Variants in KPNA5 observed in about 807,000 individuals in gnomAD.
The protein encoded by KPNA5 is karyopherin subunit alpha 5, also known as importin subunit alpha-6.
Under a neutral mutation model 71.3 loss-of-function variants are expected in KPNA5, and 46 were observed. The ratio of observed to expected loss-of-function variants is 0.65; its 90% CI spans 0.51 to 0.83. The LOEUF is 0.83. KPNA5 is among the 40% of genes least tolerant of loss of function. The pLI, the probability that KPNA5 is intolerant of heterozygous loss-of-function variation, is 0.00. For synonymous variants in KPNA5, 207 were observed against 201.4 expected (o/e 1.03, Z -0.24); for missense variants, 547 against 628.3 (o/e 0.87, Z 1.38).
chr6:116,699,764 C>A (rs1403221629), intron 5 of KPNA5, among the ~76,000 whole-genome samples: 8 of 152,120 alleles, frequency 5.3e-5, no homozygotes, highest in African/African-American at 1.9e-4. Context: ...AAAACCCAGA[C>A]CTCTTGATAC....
rs1270325054 is a variant in KPNA5, at chr6:116,722,149, G to A, written c.780G>A (p.Leu260=). 1.3e-6 allele frequency: 2 copies of A among 1,598,588 alleles called. No individual in the cohort carries two copies. Among genetic ancestry groups the A allele is most frequent in the Non-Finnish European group, 1.7e-6 (2 of 1,171,536 alleles). ...AGGTTTCACCTTGCTTAAATGTCCT[G>A]TCACGACTGTTGTTTAGCAGTGACC... is the stretch of plus-strand genomic sequence containing the variant. ...FSKVSPCLNV[L]SRLLFSSDPD... is the part of the protein sequence containing the mutation. The change falls in exon 9 of 14, where the codon CTG becomes CTA. Residue 260 remains leucine (L), a synonymous_variant. Coordinates refer to ENST00000368564, the MANE Select transcript of KPNA5 (RefSeq NM_001366306.2).
At chr6:116,684,263 TG>T (rs764095606) in intron 1 of KPNA5, among the ~76,000 whole-genome samples, 74 of 152,272 alleles carry the variant, frequency 4.9e-4, no homozygotes, top group Middle Eastern at 3.4e-3. Flanking sequence ...ATAGTATTGC[TG>T]AATCTATTAA....
At chr6:116,728,335 TAA>T (rs1276127464) in intron 12 of KPNA5, among the ~76,000 whole-genome samples, 1 of 152,180 alleles carries the variant, frequency 6.6e-6, no homozygotes, top group Non-Finnish European at 1.5e-5. Flanking sequence ...TAGTATGGAT[TAA>T]GTATCCAAAC....
rs73765845 is a variant in KPNA5 at position 116,734,887 on chromosome 6, T to C, written c.*2564T>C. ...GAAACTATGCCGAAAAAAAGTGTTA[T>C]AAAGAGGAATGCATGTAGCATTAAT... On this transcript the variant is annotated 3_prime_UTR_variant, in exon 14 of 14. Coordinates refer to ENST00000368564, the MANE Select transcript of KPNA5 (RefSeq NM_001366306.2). The C allele has an allele frequency of 8.7e-4, 132 of 151,846 alleles. No homozygotes were observed. Among genetic ancestry groups the C allele is most frequent in the African/African-American group, 3.2e-3 (132 of 41,534 alleles). 9.4% of individuals were successfully genotyped at this position (151,846 alleles called of 1,614,324 possible).
chr6:116,701,200 C>T (rs112106084), intron 5 of KPNA5, among the ~76,000 whole-genome samples: 248 of 152,020 alleles, frequency 1.6e-3, no homozygotes, highest in African/African-American at 5.7e-3. Flanking sequence ...ATGACGTGTA[C>T]GTTTACGTGA....
intron 4 of KPNA5, among the ~76,000 whole-genome samples, chr6:116,693,534 CT>C (rs1777892162): frequency 6.6e-6 from 1 of 152,186 alleles, no homozygotes; most frequent in African/African-American, 2.4e-5. Context: ...TGAATGTCTT[CT>C]TTTGGGAAGT....
intron 11 of KPNA5, 121 bp downstream of exon 11, chr6:116,725,997 G>T: frequency 1.9e-6 from 2 of 1,080,626 alleles, no homozygotes; most frequent in East Asian, 2.6e-5. Context: ...GTATTTTAAA[G>T]AACATGGGCT....
Position 116,735,473 on chromosome 6 carries a change from A to G in KPNA5, c.*3150A>G, listed in dbSNP as rs1779639169. On this transcript the variant is annotated 3_prime_UTR_variant, in exon 14 of 14. Transcript: ENST00000368564. Reference sequence around the variant, plus strand: ...GTTTTATGAAATGTGACATTTTAGGAGCCAATATAATAGAGCTCTAAAAGG... The same window carrying G: ...GTTTTATGAAATGTGACATTTTAGGGGCCAATATAATAGAGCTCTAAAAGG... 6.6e-6 allele frequency: 1 copy of G among 151,682 alleles called. No individual in the cohort carries two copies. Among genetic ancestry groups the G allele is most frequent in the Non-Finnish European group, 1.5e-5 (1 of 67,694 alleles). 9.4% of individuals were successfully genotyped at this position (151,682 alleles called of 1,614,324 possible). A position where few individuals can be genotyped will look rare whatever the true frequency, so the allele number is the denominator to read the frequency against.
At chr6:116,694,805 A>G (rs890325496) in intron 4 of KPNA5, among the ~76,000 whole-genome samples, 3 of 152,216 alleles carry the variant, frequency 2.0e-5, no homozygotes, top group Non-Finnish European at 4.4e-5. Context: ...AAATGCTACA[A>G]TAATTGTTAA....
At chr6:116,717,285 A>G (rs1778921522) in intron 8 of KPNA5, among the ~76,000 whole-genome samples, 2 of 152,242 alleles carry the variant, frequency 1.3e-5, no homozygotes, top group African/African-American at 4.8e-5. Flanking sequence ...TTGACATCAC[A>G]TATACCCCCA....
chr6:116,683,633 G>T, intron 1 of KPNA5, among the ~76,000 whole-genome samples: 1 of 151,766 alleles, frequency 6.6e-6, no homozygotes, highest in East Asian at 1.9e-4. Context: ...AGGCTGGAGT[G>T]CAGTGGCATG....
chr6:116,720,718 C>T (rs1779073104), intron 8 of KPNA5, among the ~76,000 whole-genome samples: 3 of 152,080 alleles, frequency 2.0e-5, no homozygotes, highest in African/African-American at 7.2e-5. Context: ...GTGGCTCACA[C>T]CTATGATCCC....
In KPNA5 at chr6:116,741,645, A is replaced by G. The variant is rs1392379624; in HGVS notation, c.*9322A>G. ...TGTACCAATGCACCAGAGAATGCCT[A>G]CCATCCAAAAAAGCAGTCAGCTGAT... On this transcript the variant is annotated 3_prime_UTR_variant, in exon 14 of 14. Coordinates refer to ENST00000368564, the MANE Select transcript of KPNA5 (RefSeq NM_001366306.2). 1 of 153,440 alleles carries G rather than the reference A, an allele frequency of 6.5e-6. No individual in the cohort carries two copies. Among genetic ancestry groups the G allele is most frequent in the Non-Finnish European group, 1.5e-5 (1 of 68,124 alleles). The allele number at this position is 153,440 out of a possible 1,614,324, so 9.5% of individuals were successfully genotyped here.
chr6:116,684,712 A>G (rs533044977), intron 1 of KPNA5, among the ~76,000 whole-genome samples: 56 of 152,134 alleles, frequency 3.7e-4, no homozygotes, highest in African/African-American at 1.3e-3. Flanking sequence ...GCAAATGATC[A>G]CTCCAGATCC....
intron 8 of KPNA5, among the ~76,000 whole-genome samples, chr6:116,720,921 A>C (rs1779081706): frequency 6.6e-6 from 1 of 152,240 alleles, no homozygotes; most frequent in African/African-American, 2.4e-5. Flanking sequence ...AGAAGGATCC[A>C]GTTGTGCTGA....
intron 1 of KPNA5, among the ~76,000 whole-genome samples, chr6:116,687,364 A>G (rs1449562632): frequency 6.6e-6 from 1 of 152,172 alleles, no homozygotes; most frequent in Non-Finnish European, 1.5e-5. Flanking sequence ...AACTATAGGG[A>G]TGGAGAATTA....
intron 6 of KPNA5, among the ~76,000 whole-genome samples, chr6:116,703,262 A>G (rs1346722198): frequency 6.6e-6 from 1 of 151,222 alleles, no homozygotes; most frequent in East Asian, 1.9e-4. Context: ...TCAAAAGATA[A>G]ATTTTTTTTT....
chr6:116,698,567 C>T, intron 4 of KPNA5, 137 bp from the exon 5 acceptor site: 1 of 546,172 alleles, frequency 1.8e-6, no homozygotes, highest in Non-Finnish European at 3.2e-6. Flanking sequence ...ACTTCAATTA[C>T]ATCTAGCTAA....
rs1463505687 is a variant in KPNA5 at position 116,722,412 on chromosome 6, C to CCAA, written c.920+126_920+128dup. The CCAA allele has an allele frequency of 6.4e-6, 5 of 785,836 alleles. No individual in the cohort carries two copies. The South Asian group carries it at 1.5e-4, about 23-fold the overall frequency. The allele number at this position is 785,836 out of a possible 1,614,324, so 48.7% of individuals were successfully genotyped here. On this transcript the variant is annotated intron_variant, in intron 9 of 13. Coordinates refer to ENST00000368564, the MANE Select transcript of KPNA5 (RefSeq NM_001366306.2). Reference sequence around the variant, plus strand: ...CAGGGAAAATTAAAAAGCTACTGACCCAACACTTAACAGAATAGCCATAAT... The same window carrying CCAA: ...CAGGGAAAATTAAAAAGCTACTGACCCAACAACACTTAACAGAATAGCCATAAT...
Sources: gnomAD v4.1 joint callset for allele counts (sites outside exome capture counted in the v4.1 genomes callset) on GRCh38, gnomAD v4.1.1 for gene constraint, MANE v1.5 for transcripts, NCBI Gene and HGNC (gene_info 2026-07-23, HGNC 2026-07-21) for gene names.